Variants in CFAP20DC observed in about 807,000 individuals in gnomAD.
CFAP20DC encodes protein CFAP20DC.
A neutral mutation model predicts 101.7 loss-of-function variants in CFAP20DC; 84 were observed. The observed-to-expected ratio is 0.83, with a 90% CI of 0.69 to 0.99. The LOEUF (loss-of-function observed/expected upper bound fraction) is 0.99, where lower values mean the gene tolerates loss of function less well. Ranked by LOEUF, CFAP20DC falls within the 50% of genes least tolerant of loss-of-function variation. The pLI, the probability that CFAP20DC is intolerant of heterozygous loss-of-function variation, is 0.00. For missense variants in CFAP20DC, 1,007 were observed against 970.3 expected, an observed-to-expected ratio of 1.04 and a Z score of -0.50; for synonymous variants, 359 against 351.2, an observed-to-expected ratio of 1.02 and a Z score of -0.25.
At chr3:58,733,875 A>G (rs2067694928) in intron 3 of CFAP20DC, among the ~76,000 whole-genome samples, 1 of 152,232 alleles carries the variant, frequency 6.6e-6, no homozygotes, top group South Asian at 2.1e-4. Flanking sequence ...GAGTATTAAT[A>G]AAACATTTGT....
intron 2 of CFAP20DC, among the ~76,000 whole-genome samples, chr3:59,046,747 C>A (rs1014085596): frequency 2.0e-5 from 3 of 152,088 alleles, no homozygotes; most frequent in Non-Finnish European, 4.4e-5. Context: ...AGATTGGGAT[C>A]AGAAAGGGAC....
At chr3:59,042,044 T>A (rs138746818) in intron 3 of CFAP20DC, among the ~76,000 whole-genome samples, 167 of 152,200 alleles carry the variant, frequency 1.1e-3, no homozygotes, top group Middle Eastern at 0.01. Flanking sequence ...TGAAAGCATA[T>A]AACCCTGGGT....
rs1427371509 is a variant in CFAP20DC, at chr3:58,874,719, C to T, written c.716-4410G>A. The stretch of plus-strand genomic sequence containing the variant: ...CCTTTCTGATTAGGGTAAGTTCCTC[C>T]AATATAGGCTCTTCCATAAATTTTC... On this transcript the variant is annotated intron_variant, in intron 7 of 16. Coordinates refer to ENST00000482387, the MANE Select transcript of CFAP20DC (RefSeq NM_001394063.1). The surrounding 1 kb of genome is among the most constrained non-coding windows in gnomAD (Gnocchi z 5.1). Among the ~76,000 whole-genome samples, 2 of 152,094 alleles carry T rather than the reference C, an allele frequency of 1.3e-5. No individual in the cohort carries two copies. The highest frequency in any genetic ancestry group is 4.8e-5 in the African/African-American group (2 of 41,422).
intron 4 of CFAP20DC, among the ~76,000 whole-genome samples, chr3:59,031,427 C>A (rs577274106): frequency 6.6e-6 from 1 of 152,272 alleles, no homozygotes; most frequent in Non-Finnish European, 1.5e-5. Context: ...TTGGCAGGAA[C>A]CACTTTTCCC....
At chr3:58,879,424 A>G (rs1185480369) in intron 7 of CFAP20DC, among the ~76,000 whole-genome samples, 3 of 152,244 alleles carry the variant, frequency 2.0e-5, no homozygotes, top group Non-Finnish European at 1.5e-5. Flanking sequence ...TTAGAACGCA[A>G]TAACAACTAC....
chr3:58,989,031 T>C (rs1191400577), intron 4 of CFAP20DC, among the ~76,000 whole-genome samples: 1 of 152,112 alleles, frequency 6.6e-6, no homozygotes, highest in East Asian at 1.9e-4. Flanking sequence ...ATTTAAACAA[T>C]ACTAAATGTA....
rs1473421462 is a variant in CFAP20DC at position 58,795,437 on chromosome 3, C to T, written c.2237+10958G>A. ...GGACGGTTGCTTGAGCCCAGGAGTA[C>T]GAGACCAGCTTGGGCAACAGGGCAA... On this transcript the variant is annotated intron_variant, in intron 15 of 16. Transcript: ENST00000482387. This position sits in a 1 kb window ranked among gnomAD's most constrained non-coding sequence, Gnocchi z 4.2. Among the ~76,000 whole-genome samples, 4 of 152,124 alleles carry T rather than the reference C, an allele frequency of 2.6e-5. No individual in the cohort carries two copies. The highest frequency in any genetic ancestry group is 5.9e-5 in the Non-Finnish European group (4 of 68,024).
At chr3:58,834,868 A>G (rs2076632424) in intron 13 of CFAP20DC, among the ~76,000 whole-genome samples, 1 of 152,212 alleles carries the variant, frequency 6.6e-6, no homozygotes, top group African/African-American at 2.4e-5. Flanking sequence ...ATATATGCAC[A>G]AACATTTTAA....
intron 3 of CFAP20DC, chr3:58,727,125 A>G (rs2067564981): frequency 5.7e-6 from 1 of 174,852 alleles, no homozygotes; most frequent in Non-Finnish European, 1.2e-5. Flanking sequence ...GCTATCCTAC[A>G]GTGTTCTCAT....
intron 5 of CFAP20DC, among the ~76,000 whole-genome samples, chr3:58,916,442 T>C (rs1337895502): frequency 6.6e-6 from 1 of 152,110 alleles, no homozygotes; most frequent in East Asian, 1.9e-4. Context: ...GTCACGCTCC[T>C]TTTATTCTGT....
At chr3:58,736,359 A>G (rs1388341207) in intron 3 of CFAP20DC, among the ~76,000 whole-genome samples, 1 of 152,148 alleles carries the variant, frequency 6.6e-6, no homozygotes, top group Non-Finnish European at 1.5e-5. Context: ...TGAAATTTTG[A>G]TTGATTTTCT....
rs1454616219 is a variant in CFAP20DC at position 58,795,911 on chromosome 3, G to A, written c.2237+10484C>T. Among the ~76,000 whole-genome samples, 1 of 152,184 alleles carries A rather than the reference G, an allele frequency of 6.6e-6. No individual in the cohort carries two copies. Among genetic ancestry groups the A allele is most frequent in the Non-Finnish European group, 1.5e-5 (1 of 68,028 alleles). Reference sequence around the variant, plus strand: ...GTCCCAGTGGCCCAAAAGAGACCTGGTCAGAGAGGAGGCAGGTGTCTCAAC... The same window carrying A: ...GTCCCAGTGGCCCAAAAGAGACCTGATCAGAGAGGAGGCAGGTGTCTCAAC... On this transcript the variant is annotated intron_variant, in intron 15 of 16. Transcript: ENST00000482387. This position sits in a 1 kb window ranked among gnomAD's most constrained non-coding sequence, Gnocchi z 4.2.
chr3:58,760,646 A>C (rs572375781), intron 15 of CFAP20DC, among the ~76,000 whole-genome samples: 193 of 152,294 alleles, frequency 1.3e-3, no homozygotes, highest in African/African-American at 4.4e-3. Context: ...GTTTTTGCCC[A>C]TTCAGTATGA....
intron 13 of CFAP20DC, 150 bp from the exon 14 acceptor site, chr3:58,832,039 A>G: frequency 1.5e-6 from 1 of 657,604 alleles, no homozygotes; most frequent in Non-Finnish European, 2.7e-6. Flanking sequence ...TGCCCCATCC[A>G]TTATACCACC....
chr3:58,761,773 C>T lies in CFAP20DC; in HGVS notation c.2238-7910G>A, dbSNP rs1265266052. Among the ~76,000 whole-genome samples, 3 of 152,168 alleles carry T rather than the reference C, an allele frequency of 2.0e-5. No individual in the cohort carries two copies. In the East Asian group the frequency reaches 5.8e-4, roughly 29 times the overall value. ...TTTGGTTTCAAAGAACATCTTTATTCCTGCCTTCATGTTGTTATGTATGCA... is the reference window on the plus strand; with the variant it reads ...TTTGGTTTCAAAGAACATCTTTATTTCTGCCTTCATGTTGTTATGTATGCA... On this transcript the variant is annotated intron_variant, in intron 15 of 16. Transcript: ENST00000482387.
At chr3:58,980,261 T>C (rs1315237724) in intron 4 of CFAP20DC, among the ~76,000 whole-genome samples, 1 of 152,042 alleles carries the variant, frequency 6.6e-6, no homozygotes, top group East Asian at 1.9e-4. Flanking sequence ...TAAAAGTTTC[T>C]AGACTACCAG....
chr3:58,751,798 G>A (rs1305949398), intron 16 of CFAP20DC, among the ~76,000 whole-genome samples: 1 of 151,746 alleles, frequency 6.6e-6, no homozygotes, highest in Non-Finnish European at 1.5e-5. Context: ...GGGACCTTGG[G>A]CAAGTCACTT....
rs1377309169 is a variant in CFAP20DC at position 59,014,047 on chromosome 3, A to G, written c.278+25510T>C. ...CATATCAGCTTGCTTTTCTACTGAA[A>G]TTGCATAAAACAGATAGGACAGCTA... On this transcript the variant is annotated intron_variant, in intron 4 of 16. Transcript: ENST00000482387. The surrounding 1 kb of genome is among the most constrained non-coding windows in gnomAD (Gnocchi z 4.9). Among the ~76,000 whole-genome samples, 1 of 152,210 alleles carries G rather than the reference A, an allele frequency of 6.6e-6. No individual in the cohort carries two copies. The highest frequency in any genetic ancestry group is 6.6e-5 in the Admixed American group (1 of 15,266).
chr3:58,856,449 G>T (rs2078833941), intron 12 of CFAP20DC, among the ~76,000 whole-genome samples: 1 of 152,098 alleles, frequency 6.6e-6, no homozygotes. Context: ...AAATATTTTT[G>T]CAAATGTAAC....
Sources: allele counts gnomAD v4.1 joint callset (sites outside exome capture counted in the v4.1 genomes callset), GRCh38; gene constraint gnomAD v4.1.1; non-coding constraint Gnocchi (gnomAD v3.1); transcripts MANE v1.5; gene names NCBI Gene and HGNC (gene_info 2026-07-23, HGNC 2026-07-21).